Variants in TSPEAR observed in about 807,000 individuals in gnomAD.
TSPEAR encodes thrombospondin-type laminin G domain and EAR repeat-containing protein.
TSPEAR carries 69 observed loss-of-function variants against 71.6 expected under a neutral mutation model. The ratio of observed to expected loss-of-function variants is 0.96; its 90% CI spans 0.79 to 1.18. The LOEUF is 1.18. Ranked by LOEUF, TSPEAR falls within the 50% of genes most tolerant of loss-of-function variation. TSPEAR has a pLI of 0.00. For missense variants in TSPEAR, 971 were observed against 894.9 expected (o/e 1.09, Z -1.09); for synonymous variants, 402 against 387.2 (o/e 1.04, Z -0.45).
chr21:44,604,706 A>T (rs1555929551), intron 1 of TSPEAR, among the ~76,000 whole-genome samples: 2 of 152,254 alleles, frequency 1.3e-5, no homozygotes. Flanking sequence ...ACCACTGAGT[A>T]TGGCATCAGC....
chr21:44,580,645 G>A, intron 1 of TSPEAR: 2 of 1,480,798 alleles, frequency 1.4e-6, no homozygotes, highest in Non-Finnish European at 1.8e-6. Flanking sequence ...GTGAGTGAGT[G>A]AAGGAGGGAG....
intron 1 of TSPEAR, among the ~76,000 whole-genome samples, chr21:44,619,879 T>C (rs587750975): frequency 4.5e-4 from 68 of 152,344 alleles, no homozygotes; most frequent in African/African-American, 1.6e-3. Context: ...TGAAAAGACC[T>C]GTGGGACACC....
intron 1 of TSPEAR, chr21:44,627,515 G>C (rs372313452): frequency 6.5e-7 from 1 of 1,532,658 alleles, no homozygotes; most frequent in Non-Finnish European, 8.8e-7. Flanking sequence ...CCCGTCTGCT[G>C]TGGGGCTTCT....
intron 1 of TSPEAR, among the ~76,000 whole-genome samples, chr21:44,633,442 T>C (rs1555936080): frequency 6.6e-6 from 1 of 152,232 alleles, no homozygotes; most frequent in East Asian, 1.9e-4. Context: ...CTGTCATTTA[T>C]CCCATAGTAT....
At chr21:44,551,927 C>T (rs1182874871) in intron 2 of TSPEAR, among the ~76,000 whole-genome samples, 1 of 152,146 alleles carries the variant, frequency 6.6e-6, no homozygotes, top group Non-Finnish European at 1.5e-5. Context: ...GATGGAGGTG[C>T]CTGTGTTGGG....
chr21:44,552,643 G>C (rs960443908), intron 2 of TSPEAR, among the ~76,000 whole-genome samples: 1 of 152,174 alleles, frequency 6.6e-6, no homozygotes, highest in Non-Finnish European at 1.5e-5. Context: ...TCTGTTATTC[G>C]CAGGTGACAC....
At chr21:44,683,486 T>C (rs1460236701) in intron 1 of TSPEAR, among the ~76,000 whole-genome samples, 1 of 141,610 alleles carries the variant, frequency 7.1e-6, no homozygotes, top group Non-Finnish European at 1.5e-5. Flanking sequence ...GGCAACATAG[T>C]GAGACTCTGT....
At chr21:44,579,714 C>G in intron 1 of TSPEAR, 2 of 1,580,046 alleles carry the variant, frequency 1.3e-6, no homozygotes, top group South Asian at 1.2e-5. Context: ...CCAGTTGGCC[C>G]TGGGGGATGT....
At chr21:44,552,970 G>C (rs587598762) in intron 2 of TSPEAR, among the ~76,000 whole-genome samples, 1 of 152,236 alleles carries the variant, frequency 6.6e-6, no homozygotes, top group Non-Finnish European at 1.5e-5. Context: ...AAGGGAAGCC[G>C]AGGCAGCGGC....
At chr21:44,587,101 C>T (rs1434777174) in intron 1 of TSPEAR, among the ~76,000 whole-genome samples, 3 of 152,172 alleles carry the variant, frequency 2.0e-5, no homozygotes, top group African/African-American at 4.8e-5. Context: ...GTCAAACTGT[C>T]GCTGTTTGCT....
chr21:44,537,460 T>C (rs890902473), intron 2 of TSPEAR, among the ~76,000 whole-genome samples: 2 of 152,166 alleles, frequency 1.3e-5, no homozygotes, highest in Admixed American at 6.5e-5. Flanking sequence ...CAAGGATAGA[T>C]CAAGAGATGA....
At chr21:44,677,462 G>C in intron 1 of TSPEAR, 1 of 844,136 alleles carries the variant, frequency 1.2e-6, no homozygotes, top group Non-Finnish European at 2.0e-6. Context: ...CAAAGCTCTT[G>C]GCTAGAGACT....
In TSPEAR at chr21:44,612,424, C is replaced by T. The variant is rs782072646; in HGVS notation, c.83-44419G>A. Reference sequence around the variant, plus strand: ...AGCAGTCTAGCTGCCAGCCGGCTTGCTGCACCTCCTCCCCCTGCCAACAGG... The same window carrying T: ...AGCAGTCTAGCTGCCAGCCGGCTTGTTGCACCTCCTCCCCCTGCCAACAGG... On this transcript the variant is annotated intron_variant, in intron 1 of 11. Transcript: ENST00000323084. The surrounding 1 kb of genome is among the most constrained non-coding windows in gnomAD (Gnocchi z 4.1). 2.5e-6 allele frequency: 4 copies of T among 1,614,104 alleles called. No individual in the cohort carries two copies. In the East Asian group the frequency reaches 6.7e-5, roughly 27 times the overall value.
At chr21:44,666,249 A>C in intron 1 of TSPEAR, 1 of 648,574 alleles carries the variant, frequency 1.5e-6, no homozygotes, top group Non-Finnish European at 2.5e-6. Context: ...CTGGGACCCC[A>C]GACTTCCCTG....
At chr21:44,519,934 TC>T (rs2052697722) in intron 9 of TSPEAR, 1 of 152,220 alleles carries the variant, frequency 6.6e-6, no homozygotes, top group South Asian at 2.1e-4. Flanking sequence ...ACCACCTACC[TC>T]CTGAGGCTGT....
intron 2 of TSPEAR, among the ~76,000 whole-genome samples, chr21:44,543,453 C>T (rs1187882334): frequency 6.6e-6 from 1 of 152,108 alleles, no homozygotes; most frequent in Non-Finnish European, 1.5e-5. Flanking sequence ...ATACGACTCA[C>T]TAGGAAGTAG....
intron 1 of TSPEAR, among the ~76,000 whole-genome samples, chr21:44,667,332 C>G (rs142295693): frequency 6.6e-6 from 1 of 152,090 alleles, no homozygotes; most frequent in South Asian, 2.1e-4. Flanking sequence ...TAGAACAGGA[C>G]GTGTCTAGCT....
chr21:44,629,589 G>A (rs1983135154), intron 1 of TSPEAR, among the ~76,000 whole-genome samples: 1 of 152,230 alleles, frequency 6.6e-6, no homozygotes, highest in Non-Finnish European at 1.5e-5. Context: ...TGGCCCTTGA[G>A]GCAGGAGTGA....
At chr21:44,534,335 G>A (rs1429900825) in intron 2 of TSPEAR, among the ~76,000 whole-genome samples, 1 of 86,640 alleles carries the variant, frequency 1.2e-5, no homozygotes, top group East Asian at 3.9e-4. Context: ...TGTGAGGGGT[G>A]GGGCTGGTGT....
Sources: gnomAD v4.1 joint callset for allele counts (sites outside exome capture counted in the v4.1 genomes callset) on GRCh38, gnomAD v4.1.1 for gene constraint, Gnocchi (gnomAD v3.1) non-coding constraint, MANE v1.5 for transcripts, NCBI Gene and HGNC (gene_info 2026-07-23, HGNC 2026-07-21) for gene names.